CDK14: variants seen among roughly 807,000 people sequenced by gnomAD.
The protein encoded by CDK14 is cyclin dependent kinase 14, also known as cyclin-dependent kinase 14.
In CDK14, 34 loss-of-function variants were observed where a neutral mutation model predicts 60.7. That is an observed-to-expected ratio of 0.56 (90% confidence interval 0.43 to 0.75). The LOEUF (loss-of-function observed/expected upper bound fraction) is 0.75. CDK14 is among the 30% of genes least tolerant of loss of function. CDK14 has a pLI of 0.00. For synonymous variants in CDK14, 197 were observed against 203.7 expected (o/e 0.97, Z 0.28); for missense variants, 482 against 564.1 (o/e 0.85, Z 1.47).
chr7:90,872,403 T>C (rs1346107386), intron 6 of CDK14, among the ~76,000 whole-genome samples: 1 of 152,184 alleles, frequency 6.6e-6, no homozygotes, highest in African/African-American at 2.4e-5. Flanking sequence ...TGTGGATGAC[T>C]GAATGTGCAG....
intron 10 of CDK14, among the ~76,000 whole-genome samples, chr7:91,028,923 A>G (rs867247208): frequency 6.6e-6 from 1 of 151,970 alleles, no homozygotes; most frequent in Non-Finnish European, 1.5e-5. Flanking sequence ...GATTATTAAT[A>G]TTATTATTGT....
intron 4 of CDK14, among the ~76,000 whole-genome samples, chr7:90,750,178 ACACACACACACACACACACACAC>A (rs1176044161): frequency 6.6e-6 from 1 of 151,598 alleles, no homozygotes; most frequent in Non-Finnish European, 1.5e-5. Context: ...ACACACACAC[ACACACACACACACACACACACAC>A]CAATAATATT....
At chr7:90,968,267 A>G (rs1405643843) in intron 9 of CDK14, among the ~76,000 whole-genome samples, 1 of 152,234 alleles carries the variant, frequency 6.6e-6, no homozygotes, top group Non-Finnish European at 1.5e-5. Context: ...AGATGTCATT[A>G]GAAAAAAAGA....
chr7:91,135,792 G>C (rs544680709), intron 14 of CDK14, among the ~76,000 whole-genome samples: 1 of 152,208 alleles, frequency 6.6e-6, no homozygotes, highest in Admixed American at 6.5e-5. Context: ...CAAAAGAAGG[G>C]AATTTGTGTG....
intron 14 of CDK14, among the ~76,000 whole-genome samples, chr7:91,178,024 C>A (rs2115854599): frequency 2.8e-5 from 3 of 105,690 alleles, no homozygotes; most frequent in African/African-American, 1.1e-4. Flanking sequence ...GCCAAAAGAA[C>A]AAAGCTGGAG....
At chr7:90,810,277 C>G (rs1206405847) in intron 5 of CDK14, among the ~76,000 whole-genome samples, 3 of 152,134 alleles carry the variant, frequency 2.0e-5, no homozygotes, top group Non-Finnish European at 2.9e-5. Flanking sequence ...CCACCATGAT[C>G]AAGTGGGCAT....
At chr7:90,698,067 C>CA (rs71104484) in intron 2 of CDK14, among the ~76,000 whole-genome samples, 16,980 of 75,306 alleles carry the variant, frequency 0.23, 2,567 homozygotes, top group Middle Eastern at 0.28. Context: ...GACTCTGTCT[C>CA]AAAAAAAAAA....
At chr7:90,691,609 G>A (rs1239412620) in intron 2 of CDK14, among the ~76,000 whole-genome samples, 2 of 152,118 alleles carry the variant, frequency 1.3e-5, no homozygotes, top group Non-Finnish European at 2.9e-5. Flanking sequence ...ACCATTGGAA[G>A]TTTTCAGGCA....
At chr7:90,622,783 G>A (rs1799798271) in intron 2 of CDK14, among the ~76,000 whole-genome samples, 1 of 152,012 alleles carries the variant, frequency 6.6e-6, no homozygotes, top group African/African-American at 2.4e-5. Context: ...GTCATTCTGG[G>A]TAGTTTATAC....
chr7:91,028,779 T>C (rs1473952780), intron 10 of CDK14, among the ~76,000 whole-genome samples: 6 of 151,068 alleles, frequency 4.0e-5, no homozygotes, highest in African/African-American at 1.5e-4. Context: ...GGATTATTTG[T>C]TTTTGTTTTT....
intron 11 of CDK14, among the ~76,000 whole-genome samples, chr7:91,056,691 G>A (rs1193745337): frequency 1.3e-5 from 2 of 152,020 alleles, no homozygotes; most frequent in Admixed American, 1.3e-4. Flanking sequence ...AGTTTGCTGA[G>A]AATGATGGTT....
At chr7:91,132,346 G>A (rs1800143835) in intron 14 of CDK14, among the ~76,000 whole-genome samples, 1 of 152,152 alleles carries the variant, frequency 6.6e-6, no homozygotes, top group Admixed American at 6.6e-5. Flanking sequence ...ACAAAGTGCA[G>A]CATCTCTAGG....
At chr7:90,931,097 G>A (rs1343324531) in intron 8 of CDK14, among the ~76,000 whole-genome samples, 2 of 152,120 alleles carry the variant, frequency 1.3e-5, no homozygotes, top group Non-Finnish European at 2.9e-5. Flanking sequence ...ATCTAGCACT[G>A]TATCAAAGAA....
At chr7:90,812,479 AG>A (rs1275662340) in intron 5 of CDK14, among the ~76,000 whole-genome samples, 1 of 151,968 alleles carries the variant, frequency 6.6e-6, no homozygotes, top group Non-Finnish European at 1.5e-5. Flanking sequence ...GGGTTGGGGA[AG>A]GGGGGACGGA....
intron 6 of CDK14, among the ~76,000 whole-genome samples, chr7:90,871,176 A>T (rs1053832511): frequency 3.3e-5 from 5 of 152,190 alleles, no homozygotes; most frequent in Non-Finnish European, 7.3e-5. Context: ...GGGAAGTATA[A>T]TTAACACTTA....
chr7:90,879,954 G>A (rs981856962), intron 6 of CDK14, among the ~76,000 whole-genome samples: 2 of 152,182 alleles, frequency 1.3e-5, no homozygotes, highest in Non-Finnish European at 1.5e-5. Flanking sequence ...CCACAGAACT[G>A]TGCAACCCAC....
At position 90,818,884 on chromosome 7, in the gene CDK14, ATATGTG is replaced by A. The variant is rs1240445296; in HGVS notation, c.544+28234_544+28239del. Among the ~76,000 whole-genome samples the A allele has an allele frequency of 8.8e-5, 3 of 34,158 alleles. No homozygotes were observed. The East Asian group carries it at 8.3e-3, about 95-fold the overall frequency. 22.4% of individuals were successfully genotyped at this position (34,158 alleles called of 152,430 possible). A position where few individuals can be genotyped will look rare whatever the true frequency, so the allele number is the denominator to read the frequency against. On this transcript the variant is annotated intron_variant, in intron 5 of 14. Transcript: ENST00000380050. ...TCTCTCTCTATGTGTGTGTGTATAT[ATATGTG>A]TGTGTGTGTGTGTGTGTGTATATAT...
chr7:90,609,692 CCTTT>C (rs1799496718), intron 2 of CDK14, among the ~76,000 whole-genome samples: 1 of 152,164 alleles, frequency 6.6e-6, no homozygotes, highest in Non-Finnish European at 1.5e-5. Context: ...AATTCAGCCT[CCTTT>C]CTTTATAAAT....
intron 6 of CDK14, among the ~76,000 whole-genome samples, chr7:90,882,816 G>A (rs2215373): frequency 0.99 from 151,392 of 152,342 alleles, 75,229 homozygotes; most frequent in East Asian, 1. Flanking sequence ...TTTCCTGGAA[G>A]TTGAACAACC....
Sources: allele counts gnomAD v4.1 joint callset (sites outside exome capture counted in the v4.1 genomes callset), GRCh38; gene constraint gnomAD v4.1.1; transcripts MANE v1.5; gene names NCBI Gene and HGNC (gene_info 2026-07-23, HGNC 2026-07-21).